LRRC4C: variants seen among roughly 807,000 people sequenced by gnomAD.
LRRC4C encodes the protein leucine-rich repeat-containing protein 4C.
LRRC4C carries 5 observed loss-of-function variants against 33.6 expected under a neutral mutation model. The ratio of observed to expected loss-of-function variants is 0.15; its 90% CI spans 0.08 to 0.31. The LOEUF is 0.31. Among genes scored for constraint, LRRC4C ranks in the 10% least tolerant of loss-of-function variants. LRRC4C has a pLI of 1.00. For missense variants in LRRC4C, 560 were observed against 796.7 expected (o/e 0.70, Z 3.58); for synonymous variants, 329 against 302.0 (o/e 1.09, Z -0.93).
chr11:40,433,096 A>G (rs1017594413), intron 3 of LRRC4C, among the ~76,000 whole-genome samples: 1 of 152,144 alleles, frequency 6.6e-6, no homozygotes, highest in Non-Finnish European at 1.5e-5. Context: ...CACACAGCAG[A>G]CACACTTACA....
chr11:40,131,973 G>A (rs549879800), intron 6 of LRRC4C, among the ~76,000 whole-genome samples: 1 of 151,964 alleles, frequency 6.6e-6, no homozygotes, highest in Non-Finnish European at 1.5e-5. Flanking sequence ...TTTATTAATG[G>A]GTTTCAAATC....
At chr11:40,241,012 C>T (rs1330949064) in intron 5 of LRRC4C, among the ~76,000 whole-genome samples, 3 of 152,220 alleles carry the variant, frequency 2.0e-5, no homozygotes, top group Non-Finnish European at 2.9e-5. Flanking sequence ...AATGTCTCAA[C>T]GCTGTTGTTT....
intron 3 of LRRC4C, among the ~76,000 whole-genome samples, chr11:40,384,015 G>A (rs1949005131): frequency 6.8e-6 from 1 of 148,082 alleles, no homozygotes; most frequent in East Asian, 2.0e-4. Flanking sequence ...TCAGATTTAC[G>A]GTTTCCAAAC....
chr11:41,393,504 C>A (rs914573244), intron 1 of LRRC4C, among the ~76,000 whole-genome samples: 1 of 151,800 alleles, frequency 6.6e-6, no homozygotes, highest in Non-Finnish European at 1.5e-5. Flanking sequence ...GAGGAGAGAG[C>A]AGCAATCACT....
intron 3 of LRRC4C, among the ~76,000 whole-genome samples, chr11:40,320,875 T>C (rs1268274896): frequency 6.6e-6 from 1 of 152,212 alleles, no homozygotes; most frequent in African/African-American, 2.4e-5. Context: ...TTTATATACT[T>C]ATATATGCCA....
At chr11:40,305,945 T>G (rs1338369739) in intron 4 of LRRC4C, among the ~76,000 whole-genome samples, 1 of 152,236 alleles carries the variant, frequency 6.6e-6, no homozygotes, top group African/African-American at 2.4e-5. Context: ...TTACTATGGG[T>G]TCTGTCTTCT....
At chr11:40,846,744 T>C (rs1485982157) in intron 2 of LRRC4C, among the ~76,000 whole-genome samples, 1 of 152,234 alleles carries the variant, frequency 6.6e-6, no homozygotes, top group Non-Finnish European at 1.5e-5. Flanking sequence ...TAAATTACTT[T>C]GGGCAGTATG....
At chr11:40,132,157 T>C (rs1322816032) in intron 6 of LRRC4C, among the ~76,000 whole-genome samples, 1 of 152,200 alleles carries the variant, frequency 6.6e-6, no homozygotes, top group Non-Finnish European at 1.5e-5. Flanking sequence ...AAAGGTCTGT[T>C]AGAGTTCTAG....
At chr11:40,946,901 A>ACCC (rs1958429257) in intron 1 of LRRC4C, among the ~76,000 whole-genome samples, 1 of 152,164 alleles carries the variant, frequency 6.6e-6, no homozygotes, top group African/African-American at 2.4e-5. Flanking sequence ...AAAAAAATTT[A>ACCC]AATCATACCA....
intron 1 of LRRC4C, among the ~76,000 whole-genome samples, chr11:41,292,638 T>G (rs890410388): frequency 6.6e-6 from 1 of 152,170 alleles, no homozygotes; most frequent in South Asian, 2.1e-4. Flanking sequence ...AAGTTACTGG[T>G]AGTTAACTAG....
intron 3 of LRRC4C, among the ~76,000 whole-genome samples, chr11:40,632,378 C>T (rs1224749189): frequency 1.3e-5 from 2 of 152,168 alleles, no homozygotes; most frequent in Non-Finnish European, 2.9e-5. Context: ...ATCAAAGCTT[C>T]TGAAAAGTTG....
At chr11:40,241,923 C>T (rs1166288685) in intron 4 of LRRC4C, 1 of 152,138 alleles carries the variant, frequency 6.6e-6, no homozygotes, top group Non-Finnish European at 1.5e-5. Flanking sequence ...AGTAAATCAT[C>T]TCCTCCCCCT....
chr11:41,141,695 C>T (rs983367334), intron 1 of LRRC4C, among the ~76,000 whole-genome samples: 1 of 152,066 alleles, frequency 6.6e-6, no homozygotes, highest in East Asian at 1.9e-4. Context: ...CTCTCTCCTG[C>T]CACCCTGTGA....
intron 1 of LRRC4C, among the ~76,000 whole-genome samples, chr11:41,279,428 A>ACACACCCACCCC (rs58139193): frequency 7.1e-6 from 1 of 140,788 alleles, no homozygotes; most frequent in Non-Finnish European, 1.5e-5. Flanking sequence ...ACACACACAC[A>ACACACCCACCCC]CCGTGGCAAT....
chr11:41,004,530 G>T (rs988268106), intron 1 of LRRC4C, among the ~76,000 whole-genome samples: 1 of 152,138 alleles, frequency 6.6e-6, no homozygotes, highest in African/African-American at 2.4e-5. Context: ...TAGATTGATT[G>T]CCTTAAATGT....
chr11:40,405,794 G>T (rs908069437), intron 3 of LRRC4C, among the ~76,000 whole-genome samples: 3 of 150,940 alleles, frequency 2.0e-5, no homozygotes, highest in Non-Finnish European at 4.4e-5. Flanking sequence ...TTTCCCACAG[G>T]TTGGAAGCAA....
At chr11:40,453,617 G>GGAAAAA (rs573541252) in intron 3 of LRRC4C, among the ~76,000 whole-genome samples, 7 of 143,774 alleles carry the variant, frequency 4.9e-5, no homozygotes, top group Admixed American at 1.4e-4. Context: ...GGCATTCTAA[G>GGAAAAA]AAAAAAAAAA....
chr11:41,168,528 T>A (rs921985220), intron 1 of LRRC4C, among the ~76,000 whole-genome samples: 1 of 152,152 alleles, frequency 6.6e-6, no homozygotes, highest in African/African-American at 2.4e-5. Flanking sequence ...TACTTAATGA[T>A]AACTAAAACT....
chr11:40,578,375 A>T (rs1958314712), intron 3 of LRRC4C, among the ~76,000 whole-genome samples: 1 of 151,878 alleles, frequency 6.6e-6, no homozygotes, highest in Non-Finnish European at 1.5e-5. Context: ...GTAATATTTT[A>T]AAATTCTAGA....
Sources: allele counts gnomAD v4.1 joint callset (sites outside exome capture counted in the v4.1 genomes callset), GRCh38; gene constraint gnomAD v4.1.1; transcripts MANE v1.5; gene names NCBI Gene and HGNC (gene_info 2026-07-23, HGNC 2026-07-21).